Variants in CADPS observed in about 807,000 individuals in gnomAD.
CADPS encodes calcium-dependent secretion activator 1.
CADPS carries 57 observed loss-of-function variants against 167.3 expected under a neutral mutation model. The ratio of observed to expected loss-of-function variants is 0.34; its 90% CI spans 0.28 to 0.42. The LOEUF (loss-of-function observed/expected upper bound fraction) is 0.42. Among genes scored for constraint, CADPS ranks in the 20% least tolerant of loss-of-function variants. The probability of loss-of-function intolerance (pLI) is 1.00; values close to 1 mark genes in which losing one functional copy is unlikely to be tolerated. For synonymous variants in CADPS, 676 were observed against 635.3 expected (o/e 1.06, Z -0.96); for missense variants, 1,414 against 1,738.1 (o/e 0.81, Z 3.32).
intron 28 of CADPS, among the ~76,000 whole-genome samples, chr3:62,436,447 T>C (rs2055061077): frequency 6.6e-6 from 1 of 152,238 alleles, no homozygotes; most frequent in African/African-American, 2.4e-5. Flanking sequence ...TGGTTTGGAA[T>C]TTAATTCAAT....
chr3:62,675,029 C>A (rs768889734), intron 3 of CADPS, among the ~76,000 whole-genome samples: 1 of 152,126 alleles, frequency 6.6e-6, no homozygotes. Context: ...TTGCTTAACA[C>A]AATAACCATT....
chr3:62,775,360 G>T (rs975454806), intron 1 of CADPS, among the ~76,000 whole-genome samples: 1 of 151,666 alleles, frequency 6.6e-6, no homozygotes, highest in Non-Finnish European at 1.5e-5. Flanking sequence ...GCCCGTAAGT[G>T]GTTTTATTTT....
At chr3:62,828,636 G>A (rs565515284) in intron 1 of CADPS, among the ~76,000 whole-genome samples, 2 of 151,820 alleles carry the variant, frequency 1.3e-5, no homozygotes, top group South Asian at 4.2e-4. Flanking sequence ...CACAGTTGAG[G>A]GCCAAATTTG....
chr3:62,521,276 T>A (rs973611860), intron 13 of CADPS, among the ~76,000 whole-genome samples: 2 of 152,192 alleles, frequency 1.3e-5, no homozygotes, highest in Non-Finnish European at 2.9e-5. Flanking sequence ...TATATTTGAT[T>A]CAGGGTTCCT....
chr3:62,721,941 A>T (rs1259004495), intron 3 of CADPS, among the ~76,000 whole-genome samples: 1 of 152,222 alleles, frequency 6.6e-6, no homozygotes, highest in Non-Finnish European at 1.5e-5. Context: ...GCTAATGACA[A>T]CCACATAAGA....
intron 1 of CADPS, among the ~76,000 whole-genome samples, chr3:62,776,157 G>A (rs1389526311): frequency 6.6e-6 from 1 of 152,190 alleles, no homozygotes; most frequent in African/African-American, 2.4e-5. Flanking sequence ...GAATCTGCTA[G>A]TAGTGAATCT....
At chr3:62,431,708 G>C (rs2053990997) in intron 28 of CADPS, among the ~76,000 whole-genome samples, 1 of 151,654 alleles carries the variant, frequency 6.6e-6, no homozygotes, top group Admixed American at 6.6e-5. Context: ...ATCAAATCCT[G>C]GTTTGCACAA....
chr3:62,720,304 CAG>C (rs1388226348), intron 3 of CADPS, among the ~76,000 whole-genome samples: 2 of 151,330 alleles, frequency 1.3e-5, no homozygotes, highest in Non-Finnish European at 2.9e-5. Context: ...GGAATGGTAT[CAG>C]GGGGGCATTT....
At chr3:62,861,884 G>C (rs57689916) in intron 1 of CADPS, among the ~76,000 whole-genome samples, 3,033 of 152,196 alleles carry the variant, frequency 0.02, 100 homozygotes, top group African/African-American at 0.069. Flanking sequence ...CATCTCTAAA[G>C]AGAGTTGAAA....
intron 1 of CADPS, among the ~76,000 whole-genome samples, chr3:62,793,669 G>A (rs1264833896): frequency 6.6e-6 from 1 of 152,196 alleles, no homozygotes; most frequent in East Asian, 1.9e-4. Context: ...TGTTTTTTAA[G>A]AGAGCTAATA....
At chr3:62,525,029 C>A (rs2071706135) in intron 13 of CADPS, among the ~76,000 whole-genome samples, 1 of 152,118 alleles carries the variant, frequency 6.6e-6, no homozygotes, top group African/African-American at 2.4e-5. Context: ...ATCACATCCA[C>A]TCTAAAAGGA....
chr3:62,838,609 G>A (rs1307484157), intron 1 of CADPS, among the ~76,000 whole-genome samples: 1 of 152,156 alleles, frequency 6.6e-6, no homozygotes, highest in Non-Finnish European at 1.5e-5. Context: ...TCCTGACTTT[G>A]CTAATTTCTA....
Position 62,707,585 on chromosome 3 carries a change from G to A in CADPS, c.889-45191C>T, listed in dbSNP as rs187130663. On this transcript the variant is annotated intron_variant, in intron 3 of 29. Transcript: ENST00000383710. ...TAAAGTTGGGTGATAGAATAAGGTT[G>A]TGTTTTCCATTATGTAGTCAATGGT... Among the ~76,000 whole-genome samples the A allele has an allele frequency of 7.3e-4, 111 of 152,266 alleles. 1 individual carries two copies. The East Asian group carries it at 0.021, about 29-fold the overall frequency.
intron 1 of CADPS, among the ~76,000 whole-genome samples, chr3:62,867,251 T>C (rs2081869353): frequency 6.6e-6 from 1 of 152,032 alleles, no homozygotes; most frequent in Non-Finnish European, 1.5e-5. Context: ...ATAACGAGCA[T>C]AGTGCCTTTC....
intron 26 of CADPS, among the ~76,000 whole-genome samples, chr3:62,451,040 A>AT (rs1478571537): frequency 3.3e-5 from 5 of 151,964 alleles, no homozygotes; most frequent in Non-Finnish European, 7.4e-5. Context: ...TTAAGTCTTA[A>AT]TTTTTTCTTG....
chr3:62,425,606 A>G (rs1362345081), intron 28 of CADPS, among the ~76,000 whole-genome samples: 1 of 152,216 alleles, frequency 6.6e-6, no homozygotes, highest in African/African-American at 2.4e-5. Flanking sequence ...AGACAAAATT[A>G]CACGCATATA....
rs1354545401 is a variant in CADPS, at chr3:62,421,390, G to A, written c.3777+16714C>T. Among the ~76,000 whole-genome samples, 1 of 152,210 alleles carries A rather than the reference G, an allele frequency of 6.6e-6. No individual in the cohort carries two copies. Among genetic ancestry groups the A allele is most frequent in the African/African-American group, 2.4e-5 (1 of 41,464 alleles). ...GCAAACCTCCTAAGTTGAATGGAGT[G>A]TCTTTTGGGACCAATTTGTCTCTTT... On this transcript the variant is annotated intron_variant, in intron 28 of 29. Transcript: ENST00000383710. This position sits in a 1 kb window ranked among gnomAD's most constrained non-coding sequence, Gnocchi z 4.7.
chr3:62,428,108 G>A (rs1307248515), intron 28 of CADPS, among the ~76,000 whole-genome samples: 1 of 152,064 alleles, frequency 6.6e-6, no homozygotes, highest in Non-Finnish European at 1.5e-5. Context: ...TCACACTGGA[G>A]GCAAATCACT....
Position 62,413,315 on chromosome 3 carries a change from G to A in CADPS, c.3778-10130C>T, listed in dbSNP as rs78789668. On this transcript the variant is annotated intron_variant, in intron 28 of 29. Transcript: ENST00000383710. ...TGAAAGTAGGATCTAGAAGAGATAC[G>A]CCCACATTGATGTTCATAGCAGCTT... Among the ~76,000 whole-genome samples, 8 of 152,016 alleles carry A rather than the reference G, an allele frequency of 5.3e-5. No homozygotes were observed. In the South Asian group the frequency reaches 1.2e-3, roughly 24 times the overall value.
Sources: gnomAD v4.1 joint callset for allele counts (sites outside exome capture counted in the v4.1 genomes callset) on GRCh38, gnomAD v4.1.1 for gene constraint, Gnocchi (gnomAD v3.1) non-coding constraint, MANE v1.5 for transcripts, NCBI Gene and HGNC (gene_info 2026-07-23, HGNC 2026-07-21) for gene names.